ARHGAP31: variants seen among roughly 807,000 people sequenced by gnomAD.
ARHGAP31 encodes the protein rho GTPase-activating protein 31.
Under a neutral mutation model 113.9 loss-of-function variants are expected in ARHGAP31, and 34 were observed. That is an observed-to-expected ratio of 0.30 (90% CI 0.23 to 0.40). The LOEUF is 0.40. ARHGAP31 is among the 10% of genes least tolerant of loss of function. The probability of loss-of-function intolerance (pLI) is 1.00; values close to 1 mark genes in which losing one functional copy is unlikely to be tolerated. For synonymous variants in ARHGAP31, 650 were observed against 684.8 expected (o/e 0.95, Z 0.79); for missense variants, 1,548 against 1,767.1 (o/e 0.88, Z 2.22).
chr3:119,308,678 A>C (rs1005626221), intron 1 of ARHGAP31, among the ~76,000 whole-genome samples: 1 of 152,252 alleles, frequency 6.6e-6, no homozygotes, highest in African/African-American at 2.4e-5. Context: ...TTTGTATAGA[A>C]GGTAACATAT....
intron 10 of ARHGAP31, among the ~76,000 whole-genome samples, chr3:119,405,101 A>G (rs1186398714): frequency 3.9e-5 from 6 of 152,208 alleles, no homozygotes; most frequent in African/African-American, 7.2e-5. Flanking sequence ...TTCTTTTACT[A>G]AAGAACTTAC....
intron 1 of ARHGAP31, among the ~76,000 whole-genome samples, chr3:119,296,260 T>C (rs577086847): frequency 1.3e-5 from 2 of 152,350 alleles, no homozygotes; most frequent in Non-Finnish European, 2.9e-5. Context: ...TTAGGACAAA[T>C]AGCTTAGGAT....
intron 3 of ARHGAP31, among the ~76,000 whole-genome samples, chr3:119,378,866 A>G (rs960883725): frequency 6.6e-6 from 1 of 152,164 alleles, no homozygotes; most frequent in African/African-American, 2.4e-5. Flanking sequence ...CACCCTGCAT[A>G]TCTCATAAAG....
At chr3:119,317,885 T>C (rs2079748013) in intron 1 of ARHGAP31, among the ~76,000 whole-genome samples, 1 of 152,190 alleles carries the variant, frequency 6.6e-6, no homozygotes, top group Non-Finnish European at 1.5e-5. Context: ...AATATTTGCT[T>C]TGATAGGCCT....
At chr3:119,305,882 A>C (rs1284412264) in intron 1 of ARHGAP31, among the ~76,000 whole-genome samples, 2 of 152,240 alleles carry the variant, frequency 1.3e-5, no homozygotes, top group Non-Finnish European at 2.9e-5. Context: ...GCTAAAGGCC[A>C]GGAGAATATC....
rs1285734410 is a variant in ARHGAP31 at position 119,294,732 on chromosome 3, G to T, written c.-173G>T. The T allele has an allele frequency of 1.8e-5, 12 of 663,844 alleles. No homozygotes were observed. Among genetic ancestry groups the T allele is most frequent in the Admixed American group, 1.2e-4 (5 of 42,328 alleles). The allele number at this position is 663,844 out of a possible 1,614,324, so 41.1% of individuals were successfully genotyped here. On this transcript the variant is annotated 5_prime_UTR_variant, in exon 1 of 12. Transcript: ENST00000264245. ...GCGGGGTGGATCTCAGGCTCTGCCG[G>T]CCCGCGGCCCGCGGGGTCCATGCGC... is the stretch of plus-strand genomic sequence containing the variant.
intron 2 of ARHGAP31, among the ~76,000 whole-genome samples, chr3:119,365,840 G>T (rs2080248854): frequency 6.6e-6 from 1 of 152,108 alleles, no homozygotes; most frequent in Admixed American, 6.5e-5. Context: ...CCTCAAATTT[G>T]ATGTTTTGTC....
intron 1 of ARHGAP31, among the ~76,000 whole-genome samples, chr3:119,302,751 A>G (rs1203502177): frequency 6.6e-6 from 1 of 152,274 alleles, no homozygotes; most frequent in Non-Finnish European, 1.5e-5. Context: ...GGTCTCAGGC[A>G]TGAACCACAT....
rs149659147 is a variant in ARHGAP31, at chr3:119,340,779, G to A, written c.101-24537G>A. On this transcript the variant is annotated intron_variant, in intron 1 of 11. Coordinates refer to ENST00000264245, the MANE Select transcript of ARHGAP31 (RefSeq NM_020754.4). ...ATTTAAGTGAGTCTCTTTCCGGAGTGATTTAATTTTGTTGACCATGTGGCT... is the reference window on the plus strand; with the variant it reads ...ATTTAAGTGAGTCTCTTTCCGGAGTAATTTAATTTTGTTGACCATGTGGCT... 2.3e-3 allele frequency among the ~76,000 whole-genome samples: 356 copies of A among 152,310 alleles called. 4 individuals carry two copies. The highest frequency in any genetic ancestry group is 8.3e-3 in the African/African-American group (345 of 41,572).
intron 8 of ARHGAP31, 87 bp downstream of exon 8, chr3:119,393,678 C>T (rs1480531608): frequency 1.3e-6 from 2 of 1,492,556 alleles, no homozygotes; most frequent in South Asian, 1.2e-5. Flanking sequence ...ATATCAAACA[C>T]ACTAGCTCTG....
Position 119,337,351 on chromosome 3 carries a change from C to T in ARHGAP31, c.101-27965C>T, listed in dbSNP as rs114605281. On this transcript the variant is annotated intron_variant, in intron 1 of 11. Transcript: ENST00000264245. Reference sequence around the variant, plus strand: ...GGCGCGTCCAGAGTTGTTCTTTCCTCCCGGTGGCTTCATGCTCTCGCTGAC... The same window carrying T: ...GGCGCGTCCAGAGTTGTTCTTTCCTTCCGGTGGCTTCATGCTCTCGCTGAC... Among the ~76,000 whole-genome samples the T allele has an allele frequency of 4.5e-3, 692 of 152,172 alleles. 4 individuals carry two copies. The highest frequency in any genetic ancestry group is 0.015 in the African/African-American group (628 of 41,524).
At chr3:119,388,138 A>G (rs1462194160) in intron 6 of ARHGAP31, among the ~76,000 whole-genome samples, 1 of 152,166 alleles carries the variant, frequency 6.6e-6, no homozygotes, top group Non-Finnish European at 1.5e-5. Context: ...TCTGGTGGGT[A>G]CCAAAGACCA....
At chr3:119,308,037 C>A (rs911085713) in intron 1 of ARHGAP31, among the ~76,000 whole-genome samples, 2 of 148,800 alleles carry the variant, frequency 1.3e-5, no homozygotes, top group Non-Finnish European at 3.0e-5. Context: ...GGACTGGAGT[C>A]ACGCACGCAG....
At chr3:119,307,929 T>G (rs2079644014) in intron 1 of ARHGAP31, among the ~76,000 whole-genome samples, 1 of 26,874 alleles carries the variant, frequency 3.7e-5, no homozygotes, top group African/African-American at 1.4e-4. Flanking sequence ...AATCCAAGTA[T>G]GAATTAACAG....
intron 1 of ARHGAP31, among the ~76,000 whole-genome samples, chr3:119,331,497 T>C (rs764061727): frequency 1.3e-5 from 2 of 152,196 alleles, no homozygotes; most frequent in Non-Finnish European, 2.9e-5. Flanking sequence ...GACTCCATGT[T>C]GGATTTTGAA....
At chr3:119,396,899 T>G (rs1263072023) in intron 8 of ARHGAP31, among the ~76,000 whole-genome samples, 1 of 152,224 alleles carries the variant, frequency 6.6e-6, no homozygotes, top group Non-Finnish European at 1.5e-5. Flanking sequence ...TATGTGTATT[T>G]TAATTGATTC....
chr3:119,339,405 A>G (rs564855109), intron 1 of ARHGAP31, among the ~76,000 whole-genome samples: 4 of 152,298 alleles, frequency 2.6e-5, no homozygotes, highest in African/African-American at 9.6e-5. Context: ...TTTTGTAGAT[A>G]TAGATTAAAA....
chr3:119,372,264 C>T (rs2080304523), intron 3 of ARHGAP31, among the ~76,000 whole-genome samples: 1 of 150,222 alleles, frequency 6.7e-6, no homozygotes, highest in Non-Finnish European at 1.5e-5. Context: ...ACCTCACCAG[C>T]ATCTGTTATT....
At chr3:119,303,858 G>A (rs2079607602) in intron 1 of ARHGAP31, among the ~76,000 whole-genome samples, 1 of 151,758 alleles carries the variant, frequency 6.6e-6, no homozygotes, top group South Asian at 2.1e-4. Context: ...ACAATGGTGC[G>A]ATCTCGGCTC....
Sources: allele counts gnomAD v4.1 joint callset (sites outside exome capture counted in the v4.1 genomes callset), GRCh38; gene constraint gnomAD v4.1.1; transcripts MANE v1.5; gene names NCBI Gene and HGNC (gene_info 2026-07-23, HGNC 2026-07-21).